The following XIRP2 variants were observed in gnomAD, a reference collection of about 807,000 sequenced individuals.
XIRP2 encodes xin actin-binding repeat-containing protein 2.
In XIRP2, 236 loss-of-function variants were observed where a neutral mutation model predicts 277.0. That is an observed-to-expected ratio of 0.85 (90% CI 0.77 to 0.95). XIRP2 has a LOEUF of 0.95. Ranked by LOEUF, XIRP2 falls within the 40% of genes least tolerant of loss-of-function variation. The probability of loss-of-function intolerance (pLI) is 0.00; values close to 1 mark genes in which losing one functional copy is unlikely to be tolerated. For synonymous variants in XIRP2, 1,490 were observed against 1,416.5 expected (o/e 1.05, Z -1.17); for missense variants, 4,640 against 4,157.5 (o/e 1.12, Z -3.19).
At chr2:167,191,642 T>C (rs1559014204) in intron 3 of XIRP2, among the ~76,000 whole-genome samples, 2 of 152,222 alleles carry the variant, frequency 1.3e-5, no homozygotes, top group East Asian at 3.8e-4. Flanking sequence ...TATTTTTAAA[T>C]TTTACAAAGC....
At chr2:167,165,162 T>C (rs938496769) in intron 3 of XIRP2, among the ~76,000 whole-genome samples, 1 of 152,194 alleles carries the variant, frequency 6.6e-6, no homozygotes, top group African/African-American at 2.4e-5. Context: ...CCCCATGTAT[T>C]TTCATGCATT....
chr2:167,241,812 G>T lies in XIRP2; in HGVS notation c.1078G>T (p.Val360Phe), dbSNP rs765130984. 15 of 1,613,350 alleles carry T rather than the reference G, an allele frequency of 9.3e-6. No individual in the cohort carries two copies. The highest frequency in any genetic ancestry group is 1.2e-5 in the Non-Finnish European group (14 of 1,179,640). Residue 360 changes from valine (V) to phenylalanine (F), a missense_variant, in exon 8 of 11, where the codon GTT becomes TTT. By Grantham distance (50) the Val-to-Phe change is conservative. Coordinates refer to ENST00000409195, the MANE Select transcript of XIRP2 (RefSeq NM_152381.6). ...DTPEDEEIPK[V>F]STKLLKEQFE... Reference sequence around the variant, plus strand: ...ACCTGAGGATGAAGAGATTCCAAAGGTTTCGACTAAGTTGTTAAAAGAGCA... The same window carrying T: ...ACCTGAGGATGAAGAGATTCCAAAGTTTTCGACTAAGTTGTTAAAAGAGCA...
chr2:167,129,649 T>A (rs1691314638), intron 2 of XIRP2, among the ~76,000 whole-genome samples: 1 of 152,030 alleles, frequency 6.6e-6, no homozygotes, highest in African/African-American at 2.4e-5. Context: ...GGCAAGTGGA[T>A]CACCTGAGGT....
At chr2:167,206,669 G>A (rs147746361) in intron 3 of XIRP2, among the ~76,000 whole-genome samples, 132 of 152,234 alleles carry the variant, frequency 8.7e-4, no homozygotes, top group African/African-American at 2.8e-3. Context: ...AGGGAGAAGG[G>A]AAAAGAAATG....
At chr2:167,223,411 C>T (rs1694491374) in intron 5 of XIRP2, among the ~76,000 whole-genome samples, 1 of 152,156 alleles carries the variant, frequency 6.6e-6, no homozygotes, top group Non-Finnish European at 1.5e-5. Context: ...TATCTTTCCT[C>T]ATATATCTGC....
intron 2 of XIRP2, among the ~76,000 whole-genome samples, chr2:166,935,462 G>A (rs913893571): frequency 8.0e-6 from 1 of 125,348 alleles, no homozygotes; most frequent in Non-Finnish European, 1.8e-5. Context: ...TGTGCACAAC[G>A]TGCACGTTTG....
chr2:167,242,061 C>T, intron 8 of XIRP2, 151 bp downstream of exon 8: 4 of 1,017,788 alleles, frequency 3.9e-6, no homozygotes, highest in Non-Finnish European at 5.3e-6. Flanking sequence ...GAATATTGAC[C>T]TGCATGCAAA....
At chr2:167,105,512 T>A (rs770428133) in intron 2 of XIRP2, among the ~76,000 whole-genome samples, 4 of 151,952 alleles carry the variant, frequency 2.6e-5, no homozygotes, top group Non-Finnish European at 4.4e-5. Context: ...CTGTATAGTA[T>A]TCCATGATAT....
intron 2 of XIRP2, among the ~76,000 whole-genome samples, chr2:166,922,268 A>G: frequency 6.6e-6 from 1 of 152,158 alleles, no homozygotes; most frequent in South Asian, 2.1e-4. Context: ...CTCAGGCCAC[A>G]GGCCACTGCC....
chr2:167,161,587 C>A (rs925434233), intron 3 of XIRP2, among the ~76,000 whole-genome samples: 1 of 152,216 alleles, frequency 6.6e-6, no homozygotes, highest in Non-Finnish European at 1.5e-5. Context: ...GCTGGAGTAG[C>A]TGGGACATAG....
At chr2:167,048,772 CCTTT>C (rs1688849067) in intron 2 of XIRP2, among the ~76,000 whole-genome samples, 2 of 151,934 alleles carry the variant, frequency 1.3e-5, no homozygotes, top group South Asian at 2.1e-4. Flanking sequence ...CCTTTTGAGT[CCTTT>C]CTAAGTACCT....
intron 2 of XIRP2, among the ~76,000 whole-genome samples, chr2:167,030,386 T>A (rs1688310061): frequency 6.6e-6 from 1 of 152,156 alleles, no homozygotes; most frequent in South Asian, 2.1e-4. Context: ...CTGCTTTATC[T>A]GGGCCGTAGA....
chr2:166,955,465 G>A (rs891413082), intron 2 of XIRP2, among the ~76,000 whole-genome samples: 1 of 151,632 alleles, frequency 6.6e-6, no homozygotes, highest in African/African-American at 2.4e-5. Context: ...GGATTGAGGG[G>A]GGTGAGGGAA....
rs191534453 is a variant in XIRP2 at position 166,918,369 on chromosome 2, T to A, written c.408+14479T>A. Reference sequence around the variant, plus strand: ...GACCAAAATTTTCCCTATTTATTCATCCTTCTAAAGGTAATGTTTTCTTTA... The same window carrying A: ...GACCAAAATTTTCCCTATTTATTCAACCTTCTAAAGGTAATGTTTTCTTTA... On this transcript the variant is annotated intron_variant, in intron 2 of 10. Coordinates refer to ENST00000409195, the MANE Select transcript of XIRP2 (RefSeq NM_152381.6). 2.6e-5 allele frequency among the ~76,000 whole-genome samples: 4 copies of A among 152,236 alleles called. No individual in the cohort carries two copies. In the East Asian group the frequency reaches 7.8e-4, roughly 30 times the overall value.
At chr2:166,916,992 C>T (rs1192469737) in intron 2 of XIRP2, among the ~76,000 whole-genome samples, 1 of 152,154 alleles carries the variant, frequency 6.6e-6, no homozygotes, top group African/African-American at 2.4e-5. Flanking sequence ...GGTAGCACTA[C>T]ATGAATATTC....
intron 5 of XIRP2, among the ~76,000 whole-genome samples, chr2:167,230,365 T>G (rs1473163929): frequency 6.6e-6 from 1 of 152,064 alleles, no homozygotes. Context: ...TCATAGTTTC[T>G]TTTTTGTTGT....
intron 3 of XIRP2, among the ~76,000 whole-genome samples, chr2:167,190,836 C>T (rs944341093): frequency 2.6e-5 from 4 of 151,984 alleles, no homozygotes; most frequent in Admixed American, 2.6e-4. Flanking sequence ...ATAAAAATAA[C>T]CTACCAGTGA....
At chr2:167,187,673 A>T in intron 3 of XIRP2, 1 of 528,290 alleles carries the variant, frequency 1.9e-6, no homozygotes. Context: ...TGCTTCTATG[A>T]TAATATTTAG....
At chr2:166,951,474 T>C (rs529384487) in intron 2 of XIRP2, among the ~76,000 whole-genome samples, 2 of 151,722 alleles carry the variant, frequency 1.3e-5, no homozygotes, top group Admixed American at 1.3e-4. Flanking sequence ...AAGGCAGAGG[T>C]TGCAGTGAGC....
Sources: allele counts gnomAD v4.1 joint callset (sites outside exome capture counted in the v4.1 genomes callset), GRCh38; gene constraint gnomAD v4.1.1; transcripts MANE v1.5; gene names NCBI Gene and HGNC (gene_info 2026-07-23, HGNC 2026-07-21).